KIF16B: variants seen among roughly 807,000 people sequenced by gnomAD.
KIF16B encodes the protein kinesin family member 16B.
KIF16B carries 98 observed loss-of-function variants against 156.3 expected under a neutral mutation model. That is an observed-to-expected ratio of 0.63 (90% CI 0.53 to 0.74). The LOEUF (loss-of-function observed/expected upper bound fraction) is 0.74, where lower values mean the gene tolerates loss of function less well. Ranked by LOEUF, KIF16B falls within the 30% of genes least tolerant of loss-of-function variation. The probability of loss-of-function intolerance (pLI) is 0.00; values close to 1 mark genes in which losing one functional copy is unlikely to be tolerated. For missense variants in KIF16B, 1,421 were observed against 1,606.5 expected, an observed-to-expected ratio of 0.88 and a Z score of 1.97; for synonymous variants, 564 against 583.7, an observed-to-expected ratio of 0.97 and a Z score of 0.49.
At chr20:16,386,344 A>G (rs1026148150) in intron 17 of KIF16B, among the ~76,000 whole-genome samples, 12 of 152,054 alleles carry the variant, frequency 7.9e-5, no homozygotes, top group Non-Finnish European at 1.2e-4. Flanking sequence ...GATCAGTAGC[A>G]TGGAATAACC....
At chr20:16,467,759 G>A (rs1177542303) in intron 12 of KIF16B, among the ~76,000 whole-genome samples, 1 of 151,244 alleles carries the variant, frequency 6.6e-6, no homozygotes, top group Non-Finnish European at 1.5e-5. Flanking sequence ...TGTACCCTGT[G>A]GAACTGTCCT....
chr20:16,550,280 A>G (rs1457674641), intron 1 of KIF16B, among the ~76,000 whole-genome samples: 1 of 150,744 alleles, frequency 6.6e-6, no homozygotes, highest in African/African-American at 2.4e-5. Context: ...GAGAAATGCA[A>G]ATCAAAACCA....
chr20:16,526,857 C>T (rs1267988832), intron 2 of KIF16B, among the ~76,000 whole-genome samples: 1 of 152,162 alleles, frequency 6.6e-6, no homozygotes, highest in South Asian at 2.1e-4. Flanking sequence ...TCAATGAGCA[C>T]CACGTTTTCC....
chr20:16,414,613 G>T (rs903942695), intron 15 of KIF16B, among the ~76,000 whole-genome samples: 1 of 152,058 alleles, frequency 6.6e-6, no homozygotes, highest in African/African-American at 2.4e-5. Flanking sequence ...GAAGTTTCCA[G>T]CCAAATTATC....
At chr20:16,573,198 G>A (rs1358204305) in intron 1 of KIF16B, 31 bp downstream of exon 1, 14 of 1,558,896 alleles carry the variant, frequency 9.0e-6, no homozygotes, top group East Asian at 2.4e-5. Context: ...GGGGCGCGAC[G>A]AGGGGGCGGG....
intron 22 of KIF16B, among the ~76,000 whole-genome samples, chr20:16,366,422 T>G (rs573012806): frequency 6.6e-6 from 1 of 152,070 alleles, no homozygotes; most frequent in East Asian, 1.9e-4. Flanking sequence ...GAGACAAAAG[T>G]TCTGAGAAAG....
chr20:16,488,802 C>T (rs1292223959), intron 12 of KIF16B, among the ~76,000 whole-genome samples: 2 of 152,128 alleles, frequency 1.3e-5, no homozygotes, highest in African/African-American at 2.4e-5. Flanking sequence ...ATAAATTTAG[C>T]CAGGATGAAA....
intron 23 of KIF16B, among the ~76,000 whole-genome samples, chr20:16,353,224 AATATTACCAT>A (rs964574248): frequency 6.6e-6 from 1 of 152,214 alleles, no homozygotes; most frequent in African/African-American, 2.4e-5. Context: ...TAGTAGCCAA[AATATTACCAT>A]ATATTACCAT....
chr20:16,539,635 C>T (rs576136360), intron 1 of KIF16B, among the ~76,000 whole-genome samples: 1 of 152,304 alleles, frequency 6.6e-6, no homozygotes, highest in African/African-American at 2.4e-5. Flanking sequence ...CTTCCTGAGG[C>T]CTCCCCAGAA....
chr20:16,540,472 C>T (rs1485169234), intron 1 of KIF16B, among the ~76,000 whole-genome samples: 1 of 152,170 alleles, frequency 6.6e-6, no homozygotes, highest in Non-Finnish European at 1.5e-5. Flanking sequence ...TAGAACAAGT[C>T]TACATCCTTA....
rs958190521 is a variant in KIF16B at position 16,380,232 on chromosome 20, T to C, written c.1839-69A>G. 19 of 1,367,156 alleles carry C rather than the reference T, an allele frequency of 1.4e-5. 1 individual carries two copies. The South Asian group carries it at 3.9e-4, about 28-fold the overall frequency. The allele number at this position is 1,367,156 out of a possible 1,614,324, so 84.7% of individuals were successfully genotyped here. ...AAATGTTGCTCTAACTTTACTGAAA[T>C]GTTCTGAAAATGCACATACAACCAG... On this transcript the variant is annotated intron_variant, in intron 18 of 25. Coordinates refer to ENST00000354981, the MANE Select transcript of KIF16B (RefSeq NM_024704.5).
intron 1 of KIF16B, among the ~76,000 whole-genome samples, chr20:16,572,906 A>G (rs574071412): frequency 1.3e-5 from 2 of 152,034 alleles, no homozygotes; most frequent in Non-Finnish European, 2.9e-5. Flanking sequence ...CAGCACTCTC[A>G]CCTTCCCCCC....
rs927877901 is a variant in KIF16B, at chr20:16,505,666, TAC to T, written c.1000+54_1000+55del. On this transcript the variant is annotated intron_variant, in intron 9 of 25. Transcript: ENST00000354981. ...ATAAGACACTTTAAACTTAAATATT[TAC>T]AGTTAATTCACAGAAAATATTGTAT... 1,459 of 1,489,516 alleles carry T rather than the reference TAC, an allele frequency of 9.8e-4. 8 individuals carry two copies. The highest frequency in any genetic ancestry group is 9.0e-4 in the Non-Finnish European group (976 of 1,081,284). The allele number at this position is 1,489,516 out of a possible 1,614,324, so 92.3% of individuals were successfully genotyped here.
rs548660773 is a variant in KIF16B at position 16,410,167 on chromosome 20, G to C, written c.1613-3711C>G. Among the ~76,000 whole-genome samples, 67 of 138,716 alleles carry C rather than the reference G, an allele frequency of 4.8e-4. 1 individual carries two copies. Among genetic ancestry groups the C allele is most frequent in the Non-Finnish European group, 9.4e-4 (60 of 63,880 alleles). The allele number at this position is 138,716 out of a possible 152,430, so 91.0% of individuals were successfully genotyped here. ...TGTAGGTACATATACATATATGTAG[G>C]TACATATATATATGTAGGTACATAT... On this transcript the variant is annotated intron_variant, in intron 15 of 25. Coordinates refer to ENST00000354981, the MANE Select transcript of KIF16B (RefSeq NM_024704.5).
intron 24 of KIF16B, among the ~76,000 whole-genome samples, chr20:16,321,024 T>C (rs2063764731): frequency 6.6e-6 from 1 of 152,168 alleles, no homozygotes; most frequent in South Asian, 2.1e-4. Context: ...GTAATGTTTA[T>C]ACTTAAAAAT....
chr20:16,429,039 G>GTC (rs751774277), intron 13 of KIF16B, 35 bp from the exon 14 acceptor site: 4 of 1,540,956 alleles, frequency 2.6e-6, no homozygotes, highest in Non-Finnish European at 3.6e-6. Flanking sequence ...GTATTAGTAA[G>GTC]AAGAGAAGGA....
intron 7 of KIF16B, 106 bp from the exon 8 acceptor site, chr20:16,506,296 T>A: frequency 1.1e-6 from 1 of 935,582 alleles, no homozygotes; most frequent in Non-Finnish European, 1.6e-6. Flanking sequence ...TCTCTCAGGG[T>A]AGATATTTTT....
intron 23 of KIF16B, among the ~76,000 whole-genome samples, chr20:16,339,479 G>A (rs2064102664): frequency 6.6e-6 from 1 of 151,876 alleles, no homozygotes; most frequent in Non-Finnish European, 1.5e-5. Context: ...CCATCTCACG[G>A]CATAAATTTA....
intron 25 of KIF16B, among the ~76,000 whole-genome samples, chr20:16,286,138 G>A (rs943908484): frequency 5.3e-5 from 8 of 152,148 alleles, no homozygotes; most frequent in African/African-American, 1.9e-4. Context: ...ACAGTGTCTC[G>A]TACACAGTAG....
Sources: allele counts gnomAD v4.1 joint callset (sites outside exome capture counted in the v4.1 genomes callset), GRCh38; gene constraint gnomAD v4.1.1; transcripts MANE v1.5; gene names NCBI Gene and HGNC (gene_info 2026-07-23, HGNC 2026-07-21).